ZDHHC21: variants seen among roughly 807,000 people sequenced by gnomAD.
The protein encoded by ZDHHC21 is zDHHC palmitoyltransferase 21.
Under a neutral mutation model 34.6 loss-of-function variants are expected in ZDHHC21, and 15 were observed. The observed-to-expected ratio is 0.43, with a 90% CI of 0.29 to 0.67. ZDHHC21 has a LOEUF of 0.67. ZDHHC21 is among the 30% of genes least tolerant of loss of function. ZDHHC21 has a pLI of 0.14. For synonymous variants in ZDHHC21, 142 were observed against 101.8 expected, an observed-to-expected ratio of 1.40 and a Z score of -2.38; for missense variants, 344 against 327.7, an observed-to-expected ratio of 1.05 and a Z score of -0.38.
Position 14,611,858 on chromosome 9 carries a change from T to G in ZDHHC21, c.*7108A>C, listed in dbSNP as rs1489193932. On this transcript the variant is annotated 3_prime_UTR_variant, in exon 10 of 10. Coordinates refer to ENST00000380916, the MANE Select transcript of ZDHHC21 (RefSeq NM_178566.6). Reference sequence around the variant, plus strand: ...CTGATTCTGGTGGAAGTTTTTACTTTTGTATCATTTAGTTGCTTTATTCTT... The same window carrying G: ...CTGATTCTGGTGGAAGTTTTTACTTGTGTATCATTTAGTTGCTTTATTCTT... The G allele has an allele frequency of 6.6e-6, 1 of 152,072 alleles. No homozygotes were observed. The highest frequency in any genetic ancestry group is 1.5e-5 in the Non-Finnish European group (1 of 67,966). The allele number at this position is 152,072 out of a possible 1,614,324, so 9.4% of individuals were successfully genotyped here.
At chr9:14,662,443 T>G in intron 5 of ZDHHC21, 117 bp from the exon 6 acceptor site, 1 of 697,952 alleles carries the variant, frequency 1.4e-6, no homozygotes, top group Non-Finnish European at 2.3e-6. Context: ...TAAGAGATTT[T>G]TCTTCTAAGC....
At chr9:14,635,065 A>C (rs1019815757) in intron 8 of ZDHHC21, among the ~76,000 whole-genome samples, 1 of 152,156 alleles carries the variant, frequency 6.6e-6, no homozygotes, top group Non-Finnish European at 1.5e-5. Flanking sequence ...CGATAATAGA[A>C]TAGATCAAGG....
chr9:14,686,044 G>C (rs574290174), intron 2 of ZDHHC21, among the ~76,000 whole-genome samples: 2 of 151,594 alleles, frequency 1.3e-5, no homozygotes, highest in African/African-American at 2.4e-5. Context: ...ATCACACACC[G>C]GGGCCTGTCG....
chr9:14,608,241 G>A (rs1401789396), downstream of ZDHHC21, among the ~76,000 whole-genome samples: 1 of 152,050 alleles, frequency 6.6e-6, no homozygotes, highest in Non-Finnish European at 1.5e-5. Context: ...GTTTCAATGT[G>A]GAACTATAAA....
chr9:14,639,193 T>C (rs111870066), intron 8 of ZDHHC21, among the ~76,000 whole-genome samples: 2,610 of 152,176 alleles, frequency 0.017, 37 homozygotes, highest in Non-Finnish European at 0.025. Context: ...AAGAATGAAA[T>C]TCTGTCATTT....
intron 8 of ZDHHC21, among the ~76,000 whole-genome samples, chr9:14,624,920 CAAT>C (rs1408936187): frequency 6.6e-6 from 1 of 151,952 alleles, no homozygotes; most frequent in Admixed American, 6.6e-5. Context: ...TAACTATGTA[CAAT>C]TATTATATAT....
In ZDHHC21 at chr9:14,614,694, C is replaced by T. The variant is rs1823880185; in HGVS notation, c.*4272G>A. On this transcript the variant is annotated 3_prime_UTR_variant, in exon 10 of 10. Transcript: ENST00000380916. ...AAACTTGGGCATTAAATAACACATTCATTAATCATACAGTTAATACTAGCA... is the reference window on the plus strand; with the variant it reads ...AAACTTGGGCATTAAATAACACATTTATTAATCATACAGTTAATACTAGCA... 1 of 151,666 alleles carries T rather than the reference C, an allele frequency of 6.6e-6. No homozygotes were observed. Among genetic ancestry groups the T allele is most frequent in the Non-Finnish European group, 1.5e-5 (1 of 67,714 alleles). The allele number at this position is 151,666 out of a possible 1,614,324, so 9.4% of individuals were successfully genotyped here. A position where few individuals can be genotyped will look rare whatever the true frequency, so the allele number is the denominator to read the frequency against.
chr9:14,609,803 C>T (rs986686305), downstream of ZDHHC21, among the ~76,000 whole-genome samples: 1 of 152,034 alleles, frequency 6.6e-6, no homozygotes, highest in Admixed American at 6.6e-5. Flanking sequence ...CTTTAAGAAA[C>T]CATCACTTGA....
At chr9:14,645,227 T>C (rs1830085475) in intron 7 of ZDHHC21, among the ~76,000 whole-genome samples, 1 of 151,950 alleles carries the variant, frequency 6.6e-6, no homozygotes, top group Non-Finnish European at 1.5e-5. Flanking sequence ...ACAGTTGTAA[T>C]GACAGTGTGG....
At chr9:14,603,298 T>C in the ZDHHC21 span, among the ~76,000 whole-genome samples, 2 of 152,134 alleles carry the variant, frequency 1.3e-5, no homozygotes, top group Admixed American at 6.6e-5. Context: ...ACATAAATTC[T>C]TATGTCAAAT....
intron 7 of ZDHHC21, among the ~76,000 whole-genome samples, chr9:14,651,609 A>T (rs1410089855): frequency 1.3e-5 from 2 of 151,962 alleles, no homozygotes; most frequent in African/African-American, 4.8e-5. Context: ...ATAATATAAA[A>T]AGAAAACATG....
chr9:14,664,292 T>G (rs1178434227), intron 5 of ZDHHC21, among the ~76,000 whole-genome samples: 2 of 152,092 alleles, frequency 1.3e-5, no homozygotes, highest in African/African-American at 4.8e-5. Context: ...AATACTGCGC[T>G]TTTCAGACCG....
chr9:14,642,545 C>T (rs1829549742), intron 7 of ZDHHC21, among the ~76,000 whole-genome samples: 1 of 152,108 alleles, frequency 6.6e-6, no homozygotes, highest in Non-Finnish European at 1.5e-5. Context: ...AAAGCAGTGA[C>T]TAAAATAAAA....
intron 7 of ZDHHC21, among the ~76,000 whole-genome samples, chr9:14,649,484 G>A (rs1216634516): frequency 2.0e-5 from 3 of 151,932 alleles, no homozygotes; most frequent in African/African-American, 7.2e-5. Context: ...ATGACCCTTA[G>A]CTAAAGTTTA....
chr9:14,691,613 T>C (rs1563763054), intron 1 of ZDHHC21, among the ~76,000 whole-genome samples: 1 of 152,216 alleles, frequency 6.6e-6, no homozygotes, highest in African/African-American at 2.4e-5. Flanking sequence ...AAGTACCTCG[T>C]AGGCAAAAGT....
chr9:14,589,021 T>C, the ZDHHC21 span: 1 of 97,920 alleles, frequency 1.0e-5, no homozygotes, highest in Non-Finnish European at 2.1e-5. Flanking sequence ...AAGCAGGTAA[T>C]ACAATAAAAA....
chr9:14,635,815 C>T (rs926984528), intron 8 of ZDHHC21, among the ~76,000 whole-genome samples: 1 of 152,040 alleles, frequency 6.6e-6, no homozygotes, highest in Non-Finnish European at 1.5e-5. Context: ...GAGCCGAGAT[C>T]GCAATGCTGC....
chr9:14,675,053 T>C (rs1836132124), intron 3 of ZDHHC21, among the ~76,000 whole-genome samples: 1 of 151,914 alleles, frequency 6.6e-6, no homozygotes, highest in Non-Finnish European at 1.5e-5. Flanking sequence ...TAATTACAAA[T>C]TGCCAAAAAT....
chr9:14,591,333 CCTT>C, the ZDHHC21 span, among the ~76,000 whole-genome samples: 1 of 151,900 alleles, frequency 6.6e-6, no homozygotes, highest in Admixed American at 6.6e-5. Flanking sequence ...CAGATTAGTG[CCTT>C]ATTAGAGGAT....
Sources: allele counts gnomAD v4.1 joint callset (sites outside exome capture counted in the v4.1 genomes callset), GRCh38; gene constraint gnomAD v4.1.1; transcripts MANE v1.5; gene names NCBI Gene and HGNC (gene_info 2026-07-23, HGNC 2026-07-21).